KIAA1328: variants seen among roughly 807,000 people sequenced by gnomAD.
KIAA1328 encodes the protein protein hinderin.
KIAA1328 carries 52 observed loss-of-function variants against 68.1 expected under a neutral mutation model. That is an observed-to-expected ratio of 0.76 (90% CI 0.61 to 0.96). The LOEUF is 0.96. Among genes scored for constraint, KIAA1328 ranks in the 40% least tolerant of loss-of-function variants. The pLI, the probability that KIAA1328 is intolerant of heterozygous loss-of-function variation, is 0.00. For synonymous variants in KIAA1328, 232 were observed against 239.4 expected, an observed-to-expected ratio of 0.97 and a Z score of 0.28; for missense variants, 641 against 677.6, an observed-to-expected ratio of 0.95 and a Z score of 0.60.
At chr18:36,890,166 A>G (rs963090473) in intron 5 of KIAA1328, among the ~76,000 whole-genome samples, 2 of 151,796 alleles carry the variant, frequency 1.3e-5, no homozygotes, top group African/African-American at 4.8e-5. Context: ...TGGTCATTTT[A>G]GAAACTTTGC....
chr18:36,911,711 T>C (rs1271404070), intron 5 of KIAA1328, among the ~76,000 whole-genome samples: 2 of 152,158 alleles, frequency 1.3e-5, no homozygotes, highest in African/African-American at 4.8e-5. Context: ...TATATATTCC[T>C]TTTTAGCTGC....
At chr18:36,982,672 A>G (rs749523388) in intron 6 of KIAA1328, among the ~76,000 whole-genome samples, 1 of 152,078 alleles carries the variant, frequency 6.6e-6, no homozygotes, top group Non-Finnish European at 1.5e-5. Context: ...ATTATACCAG[A>G]TGGAAATATA....
At chr18:37,004,685 G>A (rs2053713496) in intron 6 of KIAA1328, among the ~76,000 whole-genome samples, 1 of 152,098 alleles carries the variant, frequency 6.6e-6, no homozygotes, top group South Asian at 2.1e-4. Context: ...ATGGGAAACA[G>A]TGTGGCAATT....
intron 7 of KIAA1328, among the ~76,000 whole-genome samples, chr18:37,144,566 T>TA (rs1179892699): frequency 1.3e-5 from 2 of 152,158 alleles, no homozygotes; most frequent in Non-Finnish European, 1.5e-5. Context: ...AGACAGGGTC[T>TA]AAGTCTGTCA....
At chr18:36,972,215 A>G (rs1054872820) in intron 6 of KIAA1328, among the ~76,000 whole-genome samples, 1 of 152,358 alleles carries the variant, frequency 6.6e-6, no homozygotes, top group African/African-American at 2.4e-5. Context: ...AATTGAACAC[A>G]TGCGAAAAGA....
chr18:36,861,777 T>C (rs1030261817), intron 4 of KIAA1328, among the ~76,000 whole-genome samples: 2 of 152,136 alleles, frequency 1.3e-5, no homozygotes, highest in African/African-American at 4.8e-5. Flanking sequence ...CAAGCATTCC[T>C]CCCATCTTAG....
In KIAA1328 at chr18:37,222,741, G is replaced by A. The variant is rs1013352519; in HGVS notation, c.*514G>A. Reference sequence around the variant, plus strand: ...GTGGTCCTTTAATTCTGAAGTTGGAGTTGGTGCCCCTGCCATCACAAACAA... The same window carrying A: ...GTGGTCCTTTAATTCTGAAGTTGGAATTGGTGCCCCTGCCATCACAAACAA... On this transcript the variant is annotated 3_prime_UTR_variant, in exon 10 of 10. Transcript: ENST00000280020. 1 of 992,916 alleles carries A rather than the reference G, an allele frequency of 1.0e-6. No homozygotes were observed. The highest frequency in any genetic ancestry group is 1.7e-5 in the African/African-American group (1 of 57,372). 61.5% of individuals were successfully genotyped at this position (992,916 alleles called of 1,614,324 possible).
Position 36,969,777 on chromosome 18 carries a change from C to G in KIAA1328, c.576+10342C>G, listed in dbSNP as rs146016869. ...GAAAAGTAAGGACTCCTCCCTAACT[C>G]TTTCTATGAGGCCAACATTATCCTG... On this transcript the variant is annotated intron_variant, in intron 6 of 9. Transcript: ENST00000280020. Among the ~76,000 whole-genome samples, 459 of 152,282 alleles carry G rather than the reference C, an allele frequency of 3.0e-3. 6 individuals carry two copies. The highest frequency in any genetic ancestry group is 0.02 in the Admixed American group (311 of 15,298).
At chr18:36,932,422 T>C (rs2050343797) in intron 5 of KIAA1328, among the ~76,000 whole-genome samples, 1 of 152,146 alleles carries the variant, frequency 6.6e-6, no homozygotes, top group Non-Finnish European at 1.5e-5. Flanking sequence ...GGTTTTGTTA[T>C]GTTGTTGAAA....
intron 7 of KIAA1328, among the ~76,000 whole-genome samples, chr18:37,133,316 G>GAAA (rs879536664): frequency 8.3e-6 from 1 of 120,008 alleles, no homozygotes; most frequent in Non-Finnish European, 1.8e-5. Context: ...TGGGCAATAA[G>GAAA]AAAAAAAAAA....
At position 37,183,116 on chromosome 18, in the gene KIAA1328, G is replaced by A. The variant is rs191105740; in HGVS notation, c.1523+10035G>A. 6.6e-4 allele frequency among the ~76,000 whole-genome samples: 100 copies of A among 152,282 alleles called. 1 individual carries two copies. Among genetic ancestry groups the A allele is most frequent in the Admixed American group, 6.1e-3 (94 of 15,292 alleles). On this transcript the variant is annotated intron_variant, in intron 9 of 9. Coordinates refer to ENST00000280020, the MANE Select transcript of KIAA1328 (RefSeq NM_020776.3). ...CCATTTGTTTTTCTTCTAAATAGAGGAGGTTAGGAAGTAAGATTCTTGTCT... is the reference window on the plus strand; with the variant it reads ...CCATTTGTTTTTCTTCTAAATAGAGAAGGTTAGGAAGTAAGATTCTTGTCT...
intron 6 of KIAA1328, among the ~76,000 whole-genome samples, chr18:36,994,840 T>C (rs2053326575): frequency 6.6e-6 from 1 of 152,200 alleles, no homozygotes; most frequent in African/African-American, 2.4e-5. Flanking sequence ...TTTCTGGTAA[T>C]ATCCAGTGTT....
chr18:36,889,391 T>C (rs756173407), intron 5 of KIAA1328, among the ~76,000 whole-genome samples: 13 of 152,228 alleles, frequency 8.5e-5, no homozygotes, highest in Admixed American at 2.0e-4. Flanking sequence ...TTGATTAATA[T>C]TTAAGCTAAT....
rs989454209 is a variant in KIAA1328 at position 37,223,186 on chromosome 18, G to A, written c.*959G>A. 2.0e-5 allele frequency: 20 copies of A among 984,938 alleles called. No homozygotes were observed. Among genetic ancestry groups the A allele is most frequent in the African/African-American group, 1.6e-4 (9 of 57,048 alleles). 61.0% of individuals were successfully genotyped at this position (984,938 alleles called of 1,614,324 possible). A position where few individuals can be genotyped will look rare whatever the true frequency, so the allele number is the denominator to read the frequency against. On this transcript the variant is annotated 3_prime_UTR_variant, in exon 10 of 10. Transcript: ENST00000280020. The stretch of plus-strand genomic sequence containing the variant: ...CCTCTGGCCCTCCCTTTTCCTCCAC[G>A]AGGATTAAAGGATACAAGCTGACCA...
intron 7 of KIAA1328, among the ~76,000 whole-genome samples, chr18:37,148,920 C>A (rs1476259041): frequency 6.6e-6 from 1 of 152,062 alleles, no homozygotes; most frequent in Non-Finnish European, 1.5e-5. Context: ...ATGTAGGTTG[C>A]CTGTTCACTC....
At chr18:37,213,476 A>G (rs2060359073) in intron 9 of KIAA1328, among the ~76,000 whole-genome samples, 1 of 152,044 alleles carries the variant, frequency 6.6e-6, no homozygotes, top group Non-Finnish European at 1.5e-5. Context: ...AAGGAGATGA[A>G]CTCATCCTTT....
intron 7 of KIAA1328, among the ~76,000 whole-genome samples, chr18:37,116,428 T>C (rs1290924329): frequency 6.6e-6 from 1 of 152,134 alleles, no homozygotes. Context: ...CCCTATTTAA[T>C]AAATGGTGCT....
At chr18:36,845,464 C>T (rs1237784226) in intron 4 of KIAA1328, among the ~76,000 whole-genome samples, 4 of 151,800 alleles carry the variant, frequency 2.6e-5, no homozygotes, top group Admixed American at 6.6e-5. Flanking sequence ...AATGGTCCTA[C>T]GTTGCCATTA....
At chr18:37,226,715 C>CTTTTTTTT (rs763991741), downstream of KIAA1328, among the ~76,000 whole-genome samples, 6 of 128,684 alleles carry the variant, frequency 4.7e-5, 1 homozygote, top group Non-Finnish European at 6.5e-5. Flanking sequence ...GGGTTGTTCC[C>CTTTTTTTT]TTTTTTTTTT....
Sources: allele counts gnomAD v4.1 joint callset (sites outside exome capture counted in the v4.1 genomes callset), GRCh38; gene constraint gnomAD v4.1.1; transcripts MANE v1.5; gene names NCBI Gene and HGNC (gene_info 2026-07-23, HGNC 2026-07-21).